Variants in RBKS observed in about 807,000 individuals in gnomAD.
The protein encoded by RBKS is ribokinase.
RBKS carries 33 observed loss-of-function variants against 33.9 expected under a neutral mutation model. The ratio of observed to expected loss-of-function variants is 0.97; its 90% confidence interval spans 0.74 to 1.30. The LOEUF is 1.30. Ranked by LOEUF, RBKS falls within the 50% of genes most tolerant of loss-of-function variation. RBKS has a pLI of 0.00. For synonymous variants in RBKS, 125 were observed against 143.0 expected (o/e 0.87, Z 0.90); for missense variants, 361 against 392.6 (o/e 0.92, Z 0.68).
At chr2:27,830,974 T>C (rs1235430688) in intron 6 of RBKS, among the ~76,000 whole-genome samples, 2 of 152,146 alleles carry the variant, frequency 1.3e-5, no homozygotes, top group South Asian at 2.1e-4. Flanking sequence ...GTAGAGGCCA[T>C]GTTTACATGT....
chr2:27,807,381 CTTT>C (rs1263254753), intron 7 of RBKS, among the ~76,000 whole-genome samples: 2 of 151,854 alleles, frequency 1.3e-5, no homozygotes. Flanking sequence ...TGGCAGAGGT[CTTT>C]TTTTTCTTTT....
At chr2:27,841,495 C>T (rs1205988781) in intron 5 of RBKS, among the ~76,000 whole-genome samples, 1 of 152,086 alleles carries the variant, frequency 6.6e-6, no homozygotes, top group Non-Finnish European at 1.5e-5. Flanking sequence ...TGTGACACTC[C>T]AAGAAAATGG....
intron 5 of RBKS, among the ~76,000 whole-genome samples, chr2:27,841,229 G>A (rs1663498221): frequency 6.6e-6 from 1 of 152,120 alleles, no homozygotes; most frequent in Non-Finnish European, 1.5e-5. Flanking sequence ...TGAAAGGTTA[G>A]CTCCTCAACT....
At chr2:27,802,019 T>A (rs1298373299) in intron 7 of RBKS, among the ~76,000 whole-genome samples, 1 of 113,440 alleles carries the variant, frequency 8.8e-6, no homozygotes, top group East Asian at 3.2e-4. Flanking sequence ...TTTTTTTTTT[T>A]TAGAGAGAGA....
chr2:27,875,503 C>A (rs988418497), intron 1 of RBKS, among the ~76,000 whole-genome samples: 1 of 152,130 alleles, frequency 6.6e-6, no homozygotes, highest in Admixed American at 6.6e-5. Context: ...CAGTGAGCTG[C>A]GATCGCAACA....
chr2:27,820,916 T>G (rs1380130128), intron 7 of RBKS, among the ~76,000 whole-genome samples: 1 of 151,772 alleles, frequency 6.6e-6, no homozygotes, highest in Non-Finnish European at 1.5e-5. Flanking sequence ...GGCGCATGCC[T>G]GTAATCCCAG....
intron 1 of RBKS, among the ~76,000 whole-genome samples, chr2:27,889,194 T>C (rs1664639990): frequency 6.6e-6 from 1 of 152,236 alleles, no homozygotes; most frequent in Non-Finnish European, 1.5e-5. Context: ...TAAGGTTAAA[T>C]TGGTTACATG....
intron 7 of RBKS, among the ~76,000 whole-genome samples, chr2:27,825,048 G>C (rs527696605): frequency 3.3e-5 from 5 of 152,052 alleles, no homozygotes; most frequent in African/African-American, 1.2e-4. Flanking sequence ...GAGGCAGGAG[G>C]ATCACCTGAG....
At chr2:27,872,095 A>C (rs1366445828) in intron 1 of RBKS, among the ~76,000 whole-genome samples, 1 of 152,186 alleles carries the variant, frequency 6.6e-6, no homozygotes. Context: ...AATACAGATG[A>C]AGCTTTGCTC....
At chr2:27,797,249 C>T (rs1217047661) in intron 7 of RBKS, among the ~76,000 whole-genome samples, 1 of 152,186 alleles carries the variant, frequency 6.6e-6, no homozygotes, top group African/African-American at 2.4e-5. Context: ...TGGCATTGCG[C>T]AAGGGTGCCC....
chr2:27,826,769 T>A (rs898034891), intron 7 of RBKS, among the ~76,000 whole-genome samples: 1 of 152,086 alleles, frequency 6.6e-6, no homozygotes, highest in African/African-American at 2.4e-5. Context: ...GAACCATGAG[T>A]CTTTTTTCTA....
intron 7 of RBKS, among the ~76,000 whole-genome samples, chr2:27,807,115 T>C (rs1312439458): frequency 1.3e-5 from 2 of 152,208 alleles, no homozygotes; most frequent in African/African-American, 4.8e-5. Flanking sequence ...AAAAAGGTTC[T>C]GAAAACAACA....
rs1179237576 is a variant in RBKS, at chr2:27,801,992, A to ATT, written c.796-20206_796-20205dup. Reference sequence around the variant, plus strand: ...TATATATATATATATATATATATATATTTTTTTTTTTTTTTTTTTTTTTTT... The same window carrying ATT: ...TATATATATATATATATATATATATATTTTTTTTTTTTTTTTTTTTTTTTTTT... On this transcript the variant is annotated intron_variant, in intron 7 of 7. Coordinates refer to ENST00000302188, the MANE Select transcript of RBKS (RefSeq NM_022128.3). Among the ~76,000 whole-genome samples the ATT allele has an allele frequency of 1.3e-3, 57 of 42,690 alleles. 3 individuals are homozygous for ATT. The highest frequency in any genetic ancestry group is 2.8e-3 in the East Asian group (3 of 1,088). 28.0% of individuals were successfully genotyped at this position (42,690 alleles called of 152,430 possible).
intron 1 of RBKS, among the ~76,000 whole-genome samples, chr2:27,866,416 T>G (rs1180097573): frequency 6.6e-6 from 1 of 152,204 alleles, no homozygotes; most frequent in Non-Finnish European, 1.5e-5. Context: ...ATGCTCATCC[T>G]GCTGGATGTT....
intron 7 of RBKS, among the ~76,000 whole-genome samples, chr2:27,818,330 C>G (rs1422922341): frequency 6.6e-6 from 1 of 152,142 alleles, no homozygotes; most frequent in Non-Finnish European, 1.5e-5. Flanking sequence ...TTCTGAAGAT[C>G]TATAGACAAG....
chr2:27,846,032 T>G (rs912300052), intron 4 of RBKS, among the ~76,000 whole-genome samples: 43 of 152,132 alleles, frequency 2.8e-4, no homozygotes, highest in African/African-American at 9.4e-4. Flanking sequence ...TCACCCAATC[T>G]TGGCTCACTG....
At position 27,849,193 on chromosome 2, in the gene RBKS, T is replaced by C. The variant is rs116680267; in HGVS notation, c.223-1096A>G. On this transcript the variant is annotated intron_variant, in intron 2 of 7. Coordinates refer to ENST00000302188, the MANE Select transcript of RBKS (RefSeq NM_022128.3). ...AGTTACATGAGGCAATACATTCTTT[T>C]TAAAAATTTTATTTTATTTTTTTTT... 8.1e-3 allele frequency among the ~76,000 whole-genome samples: 1,228 copies of C among 152,286 alleles called. 11 individuals carry two copies. The highest frequency in any genetic ancestry group is 0.028 in the African/African-American group (1,156 of 41,558).
intron 1 of RBKS, among the ~76,000 whole-genome samples, chr2:27,882,824 G>T (rs892332495): frequency 1.3e-5 from 2 of 152,116 alleles, no homozygotes; most frequent in African/African-American, 4.8e-5. Context: ...ACTAACACAG[G>T]TACAGAAAGC....
chr2:27,809,961 T>A (rs1377783181), intron 7 of RBKS: 1 of 1,304,162 alleles, frequency 7.7e-7, no homozygotes, highest in Non-Finnish European at 1.0e-6. Context: ...CAGTTGCTGT[T>A]ATAAAAGGAT....
Sources: allele counts gnomAD v4.1 joint callset (sites outside exome capture counted in the v4.1 genomes callset), GRCh38; gene constraint gnomAD v4.1.1; transcripts MANE v1.5; gene names NCBI Gene and HGNC (gene_info 2026-07-23, HGNC 2026-07-21).